Variants in MAD1L1 observed in about 807,000 individuals in gnomAD.
The protein encoded by MAD1L1 is mitotic spindle assembly checkpoint protein MAD1.
A neutral mutation model predicts 96.9 loss-of-function variants in MAD1L1; 95 were observed. The ratio of observed to expected loss-of-function variants is 0.98; its 90% CI spans 0.83 to 1.16. The LOEUF is 1.16. MAD1L1 is among the 50% of genes most tolerant of loss of function. The pLI, the probability that MAD1L1 is intolerant of heterozygous loss-of-function variation, is 0.00. For missense variants in MAD1L1, 1,007 were observed against 954.4 expected (o/e 1.06, Z -0.73); for synonymous variants, 473 against 396.6 (o/e 1.19, Z -2.29).
chr7:2,231,170 C>A (rs539109202), intron 1 of MAD1L1, among the ~76,000 whole-genome samples: 3 of 152,026 alleles, frequency 2.0e-5, no homozygotes, highest in African/African-American at 7.3e-5. Flanking sequence ...TGGTGGTGTG[C>A]GCCTGTAATC....
chr7:1,921,883 T>C (rs1333778889), intron 17 of MAD1L1, among the ~76,000 whole-genome samples: 1 of 152,192 alleles, frequency 6.6e-6, no homozygotes, highest in Non-Finnish European at 1.5e-5. Flanking sequence ...AAGTTTCAAG[T>C]AGATTAAATC....
intron 12 of MAD1L1, among the ~76,000 whole-genome samples, chr7:2,027,146 C>CAAAA (rs909130690): frequency 6.6e-6 from 1 of 151,786 alleles, no homozygotes; most frequent in Non-Finnish European, 1.5e-5. Flanking sequence ...CTAACTTTTA[C>CAAAA]CACAACTGAA....
At chr7:1,955,664 G>A (rs1263049497) in intron 16 of MAD1L1, among the ~76,000 whole-genome samples, 3 of 152,138 alleles carry the variant, frequency 2.0e-5, no homozygotes, top group African/African-American at 4.8e-5. Context: ...GTGACAACAA[G>A]CCATTTATCC....
chr7:1,856,833 G>A lies in MAD1L1; in HGVS notation c.1999-40605C>T, dbSNP rs548434217. ...CCACAACGGCTGGAGGGACTCCTGC[G>A]GGCCTCTCCCAGGCTCTGTCACCCT... On this transcript the variant is annotated intron_variant, in intron 18 of 18. Coordinates refer to ENST00000265854, the MANE Select transcript of MAD1L1 (RefSeq NM_001013836.2). Among the ~76,000 whole-genome samples the A allele has an allele frequency of 7.2e-5, 11 of 152,242 alleles. No individual in the cohort carries two copies. In the South Asian group the frequency reaches 2.3e-3, roughly 32 times the overall value.
At chr7:1,937,479 G>T (rs1171612302) in intron 16 of MAD1L1, among the ~76,000 whole-genome samples, 1 of 152,162 alleles carries the variant, frequency 6.6e-6, no homozygotes, top group African/African-American at 2.4e-5. Flanking sequence ...GGAGGAGTGC[G>T]CCTGGAGGCC....
At chr7:1,841,370 T>A (rs530558366) in intron 18 of MAD1L1, among the ~76,000 whole-genome samples, 1 of 152,298 alleles carries the variant, frequency 6.6e-6, no homozygotes, top group South Asian at 2.1e-4. Context: ...CGAGAAGTCA[T>A]TCACAGCCCG....
chr7:1,977,297 C>T (rs1320273090), intron 15 of MAD1L1, among the ~76,000 whole-genome samples: 3 of 152,382 alleles, frequency 2.0e-5, no homozygotes, highest in Admixed American at 6.5e-5. Flanking sequence ...AATTCGACTG[C>T]AGCGCAGATG....
intron 13 of MAD1L1, among the ~76,000 whole-genome samples, chr7:2,003,534 G>A (rs928008618): frequency 4.1e-5 from 6 of 147,256 alleles, no homozygotes; most frequent in African/African-American, 1.5e-4. Flanking sequence ...GGTTCTGGAC[G>A]CCACAGCAGA....
intron 12 of MAD1L1, among the ~76,000 whole-genome samples, chr7:2,041,026 C>T (rs1361420431): frequency 6.6e-6 from 1 of 152,222 alleles, no homozygotes; most frequent in Non-Finnish European, 1.5e-5. Context: ...GCTCTCAGCA[C>T]ACAAGGGCTC....
chr7:1,962,539 T>G (rs1340462532), intron 15 of MAD1L1, among the ~76,000 whole-genome samples: 1 of 152,192 alleles, frequency 6.6e-6, no homozygotes, highest in Non-Finnish European at 1.5e-5. Flanking sequence ...GAGAAAATAT[T>G]TGGAAAGCAA....
chr7:1,936,601 G>A (rs907102202), intron 17 of MAD1L1, 86 bp downstream of exon 17: 2 of 1,346,286 alleles, frequency 1.5e-6, no homozygotes, highest in African/African-American at 2.9e-5. Flanking sequence ...ACAGGCAGGG[G>A]CGCCTGAGGC....
chr7:1,822,686 A>T (rs1259891876), intron 18 of MAD1L1, among the ~76,000 whole-genome samples: 1 of 150,660 alleles, frequency 6.6e-6, no homozygotes, highest in Non-Finnish European at 1.5e-5. Context: ...GGCTTCCCCA[A>T]GTGTTGGGAT....
At chr7:2,128,945 G>A (rs1239620521) in intron 11 of MAD1L1, among the ~76,000 whole-genome samples, 3 of 152,264 alleles carry the variant, frequency 2.0e-5, no homozygotes, top group Non-Finnish European at 4.4e-5. Flanking sequence ...AAAGCCAGAG[G>A]GGGACACAGA....
At chr7:1,987,141 C>A (rs998397002) in intron 14 of MAD1L1, among the ~76,000 whole-genome samples, 1 of 152,226 alleles carries the variant, frequency 6.6e-6, no homozygotes, top group Non-Finnish European at 1.5e-5. Context: ...AGCTCCCTCA[C>A]CCCTCCCCTG....
At chr7:1,934,857 C>A (rs1395273094) in intron 17 of MAD1L1, among the ~76,000 whole-genome samples, 2 of 151,924 alleles carry the variant, frequency 1.3e-5, no homozygotes, top group African/African-American at 4.8e-5. Context: ...GAGACCCAGA[C>A]AACAGGTGAA....
chr7:1,871,608 A>C (rs1458622057), intron 18 of MAD1L1, among the ~76,000 whole-genome samples: 1 of 150,436 alleles, frequency 6.6e-6, no homozygotes, highest in Non-Finnish European at 1.5e-5. Flanking sequence ...TGCCACGCCG[A>C]ACCCACCATA....
intron 15 of MAD1L1, among the ~76,000 whole-genome samples, chr7:1,975,960 C>G (rs944036596): frequency 8.5e-5 from 13 of 152,226 alleles, no homozygotes; most frequent in African/African-American, 1.7e-4. Context: ...TTTGCTAGAG[C>G]TGCTATTTGA....
intron 18 of MAD1L1, among the ~76,000 whole-genome samples, chr7:1,870,135 A>G (rs1000535476): frequency 1.4e-4 from 21 of 152,150 alleles, no homozygotes; most frequent in African/African-American, 4.8e-4. Flanking sequence ...GTCGGCAGGA[A>G]GGCTGTGCAG....
chr7:1,857,738 C>T (rs781565093), intron 18 of MAD1L1, among the ~76,000 whole-genome samples: 16 of 152,198 alleles, frequency 1.1e-4, no homozygotes, highest in East Asian at 1.9e-4. Context: ...GGCCGGGGGA[C>T]GTCCTGGTCC....
Sources: gnomAD v4.1 joint callset for allele counts (sites outside exome capture counted in the v4.1 genomes callset) on GRCh38, gnomAD v4.1.1 for gene constraint, MANE v1.5 for transcripts, NCBI Gene and HGNC (gene_info 2026-07-23, HGNC 2026-07-21) for gene names.